The following WWOX variants were observed in gnomAD, a reference collection of about 807,000 sequenced individuals.
WWOX encodes the protein WW domain-containing oxidoreductase.
A neutral mutation model predicts 46.2 loss-of-function variants in WWOX; 69 were observed. The ratio of observed to expected loss-of-function variants is 1.49; its 90% CI spans 1.23 to 1.82. WWOX has a LOEUF of 1.82. Among genes scored for constraint, WWOX ranks in the 40% most tolerant of loss-of-function variants. WWOX has a pLI of 0.00. For missense variants in WWOX, 919 were observed against 542.6 expected (o/e 1.69, Z -6.89); for synonymous variants, 359 against 202.6 (o/e 1.77, Z -6.56).
At chr16:78,469,888 G>A (rs989406416) in intron 8 of WWOX, among the ~76,000 whole-genome samples, 3 of 152,192 alleles carry the variant, frequency 2.0e-5, no homozygotes, top group African/African-American at 7.2e-5. Context: ...TGTAACCTGG[G>A]ATTAGATAGA....
chr16:79,114,470 A>T (rs1238426707), intron 8 of WWOX, among the ~76,000 whole-genome samples: 1 of 151,520 alleles, frequency 6.6e-6, no homozygotes, highest in Non-Finnish European at 1.5e-5. Context: ...GCAGAAGGCC[A>T]TGTGAAGATG....
At chr16:78,720,179 G>C (rs1373123405) in intron 8 of WWOX, among the ~76,000 whole-genome samples, 2 of 152,070 alleles carry the variant, frequency 1.3e-5, no homozygotes, top group Non-Finnish European at 2.9e-5. Flanking sequence ...TTTGAAAATT[G>C]ATGTGCTTCT....
At chr16:78,425,531 G>C (rs1341820257) in intron 7 of WWOX, among the ~76,000 whole-genome samples, 1 of 152,184 alleles carries the variant, frequency 6.6e-6, no homozygotes, top group Non-Finnish European at 1.5e-5. Flanking sequence ...TGTAGTTAGA[G>C]CATATTAGAA....
chr16:78,177,222 C>T lies in WWOX; in HGVS notation c.516+12933C>T, dbSNP rs189509163. 5.4e-3 allele frequency among the ~76,000 whole-genome samples: 828 copies of T among 152,254 alleles called. 7 individuals carry two copies. The highest frequency in any genetic ancestry group is 0.027 in the Middle Eastern group (8 of 294). ...TCAAATGTTTTCCCAACCCAGTTTA[C>T]CAAGTAGCTCCCAAATTTTCAAGCT... On this transcript the variant is annotated intron_variant, in intron 5 of 8. Transcript: ENST00000566780.
intron 5 of WWOX, among the ~76,000 whole-genome samples, chr16:78,370,966 CTG>C (rs2081666193): frequency 1.5e-5 from 2 of 135,478 alleles, no homozygotes; most frequent in Non-Finnish European, 3.2e-5. Flanking sequence ...TGCTCTGAGA[CTG>C]TGTTGTGATT....
At chr16:79,094,162 G>T (rs775486127) in intron 8 of WWOX, among the ~76,000 whole-genome samples, 1 of 151,692 alleles carries the variant, frequency 6.6e-6, no homozygotes, top group Non-Finnish European at 1.5e-5. Context: ...TGCATGTAGG[G>T]TTGCTTGCAA....
intron 7 of WWOX, among the ~76,000 whole-genome samples, chr16:78,427,393 T>C (rs953594993): frequency 6.6e-6 from 1 of 152,166 alleles, no homozygotes; most frequent in African/African-American, 2.4e-5. Context: ...GAAGTTGACT[T>C]CTTTGCTGTG....
intron 8 of WWOX, among the ~76,000 whole-genome samples, chr16:78,525,012 C>T (rs568467846): frequency 4.0e-5 from 6 of 150,806 alleles, no homozygotes; most frequent in African/African-American, 9.7e-5. Context: ...ATTACGGGCT[C>T]ATGCCACCAC....
intron 8 of WWOX, among the ~76,000 whole-genome samples, chr16:78,603,762 T>C (rs1157059768): frequency 6.6e-6 from 1 of 152,134 alleles, no homozygotes; most frequent in African/African-American, 2.4e-5. Flanking sequence ...GAACACTTTG[T>C]TTCTTATCTA....
At chr16:79,013,620 T>A (rs1388131667) in intron 8 of WWOX, among the ~76,000 whole-genome samples, 1 of 152,156 alleles carries the variant, frequency 6.6e-6, no homozygotes, top group Non-Finnish European at 1.5e-5. Context: ...GGTTAGGTCC[T>A]GTGCTGCCTG....
At chr16:78,615,422 G>A (rs1386904493) in intron 8 of WWOX, among the ~76,000 whole-genome samples, 3 of 152,094 alleles carry the variant, frequency 2.0e-5, no homozygotes, top group African/African-American at 7.2e-5. Context: ...GCTGAGGCAG[G>A]AGGATCTCCT....
intron 6 of WWOX, 128 bp from the exon 7 acceptor site, chr16:78,424,742 C>T (rs1202524724): frequency 9.4e-6 from 10 of 1,067,376 alleles, no homozygotes; most frequent in South Asian, 6.3e-5. Flanking sequence ...ATTTCTCATT[C>T]CCGAAGGAGC....
rs886719109 is a variant in WWOX at position 78,759,192 on chromosome 16, G to A, written c.1056+326440G>A. ...AGTGGTGACTATGGGAAGATTACAC[G>A]GAGAAGTGTTAGAACAGGGTAATCA... On this transcript the variant is annotated intron_variant, in intron 8 of 8. Transcript: ENST00000566780. Among the ~76,000 whole-genome samples, 8 of 152,192 alleles carry A rather than the reference G, an allele frequency of 5.3e-5. No homozygotes were observed. In the East Asian group the frequency reaches 1.2e-3, roughly 22 times the overall value.
At chr16:78,517,913 G>C (rs1278347849) in intron 8 of WWOX, among the ~76,000 whole-genome samples, 2 of 133,694 alleles carry the variant, frequency 1.5e-5, no homozygotes, top group Non-Finnish European at 3.1e-5. Flanking sequence ...GAAGAACCAG[G>C]ACACCTCATC....
rs373188700 is a variant in WWOX, at chr16:78,386,848, C to T, written c.517-12C>T. On this transcript the variant is annotated splice_polypyrimidine_tract_variant and intron_variant, in intron 5 of 8. Transcript: ENST00000566780. Reference sequence around the variant, plus strand: ...GTTATTTATCATTTCTTTTTATTTTCTCTCATTGCAGCATAAAGCCAAGGT... The same window carrying T: ...GTTATTTATCATTTCTTTTTATTTTTTCTCATTGCAGCATAAAGCCAAGGT... The T allele has an allele frequency of 8.3e-5, 133 of 1,609,456 alleles. No homozygotes were observed. In the African/African-American group the frequency reaches 1.6e-3, roughly 20 times the overall value.
intron 8 of WWOX, among the ~76,000 whole-genome samples, chr16:78,831,942 G>A (rs1014991209): frequency 2.0e-5 from 3 of 152,140 alleles, no homozygotes; most frequent in Non-Finnish European, 2.9e-5. Flanking sequence ...CACTTTTGGT[G>A]ATAACTACCT....
chr16:78,886,537 G>C (rs1322323981), intron 8 of WWOX, among the ~76,000 whole-genome samples: 2 of 151,306 alleles, frequency 1.3e-5, no homozygotes, highest in Non-Finnish European at 2.9e-5. Flanking sequence ...TAGATGTCTA[G>C]AATTTCATCT....
At chr16:78,776,454 G>C (rs1051798275) in intron 8 of WWOX, among the ~76,000 whole-genome samples, 1 of 152,024 alleles carries the variant, frequency 6.6e-6, no homozygotes, top group Non-Finnish European at 1.5e-5. Context: ...GGATTCCAGT[G>C]GTTATTATGA....
chr16:78,272,128 T>C (rs2079488465), intron 5 of WWOX, among the ~76,000 whole-genome samples: 1 of 152,246 alleles, frequency 6.6e-6, no homozygotes, highest in Non-Finnish European at 1.5e-5. Flanking sequence ...CATTTTGTTT[T>C]ATCTTGTGAT....
Sources: allele counts gnomAD v4.1 joint callset (sites outside exome capture counted in the v4.1 genomes callset), GRCh38; gene constraint gnomAD v4.1.1; transcripts MANE v1.5; gene names NCBI Gene and HGNC (gene_info 2026-07-23, HGNC 2026-07-21).